SGCZ: variants seen among roughly 807,000 people sequenced by gnomAD.
SGCZ encodes the protein zeta-sarcoglycan.
In SGCZ, 40 loss-of-function variants were observed where a neutral mutation model predicts 41.3. That is an observed-to-expected ratio of 0.97 (90% confidence interval 0.75 to 1.26). SGCZ has a LOEUF of 1.26. SGCZ is among the 50% of genes most tolerant of loss of function. The pLI, the probability that SGCZ is intolerant of heterozygous loss-of-function variation, is 0.00. For synonymous variants in SGCZ, 206 were observed against 137.5 expected (o/e 1.50, Z -3.49); for missense variants, 552 against 369.8 (o/e 1.49, Z -4.04).
chr8:14,630,035 T>C (rs1218621964), intron 1 of SGCZ, among the ~76,000 whole-genome samples: 1 of 152,030 alleles, frequency 6.6e-6, no homozygotes, highest in Non-Finnish European at 1.5e-5. Context: ...CTCAGATATA[T>C]TAGGGAAAAA....
At chr8:14,140,049 G>C (rs143319968) in intron 5 of SGCZ, among the ~76,000 whole-genome samples, 10 of 149,622 alleles carry the variant, frequency 6.7e-5, no homozygotes, top group African/African-American at 2.2e-4. Context: ...ATCAATAGAC[G>C]TAACAGAACC....
At chr8:14,816,969 T>C (rs1801922707) in intron 1 of SGCZ, among the ~76,000 whole-genome samples, 2 of 152,196 alleles carry the variant, frequency 1.3e-5, no homozygotes, top group Non-Finnish European at 2.9e-5. Flanking sequence ...AAGCTCACAA[T>C]TGATACCAGA....
Position 14,717,996 on chromosome 8 carries a change from G to GATATATATATATATATATATATATAT in SGCZ, c.40-163071_40-163070insATATATATATATATATATATATATAT, listed in dbSNP as rs140343071. The stretch of plus-strand genomic sequence containing the variant: ...TGGATAAATGTAAATTCTAAAATAA[G>GATATATATATATATATATATATATAT]ATATATATATATATGTAATATGGCT... On this transcript the variant is annotated intron_variant, in intron 1 of 7. Coordinates refer to ENST00000382080, the MANE Select transcript of SGCZ (RefSeq NM_139167.4). Among the ~76,000 whole-genome samples the GATATATATATATATATATATATATAT allele has an allele frequency of 1.8e-3, 267 of 144,926 alleles. 3 individuals are homozygous for GATATATATATATATATATATATATAT. Among genetic ancestry groups the GATATATATATATATATATATATATAT allele is most frequent in the East Asian group, 8.9e-3 (43 of 4,806 alleles).
At chr8:15,078,917 C>T (rs1311072751) in intron 1 of SGCZ, among the ~76,000 whole-genome samples, 4 of 151,876 alleles carry the variant, frequency 2.6e-5, no homozygotes, top group African/African-American at 7.3e-5. Flanking sequence ...TAACATTTTC[C>T]TTCCCCCTCA....
intron 1 of SGCZ, among the ~76,000 whole-genome samples, chr8:14,704,827 T>C (rs774893804): frequency 6.6e-6 from 1 of 151,932 alleles, no homozygotes; most frequent in South Asian, 2.1e-4. Context: ...AAACACTTCT[T>C]AGGGATAAAC....
intron 4 of SGCZ, among the ~76,000 whole-genome samples, chr8:14,166,935 G>C (rs947982708): frequency 6.6e-6 from 1 of 152,066 alleles, no homozygotes; most frequent in Non-Finnish European, 1.5e-5. Flanking sequence ...TGCATGCAGA[G>C]TCATCTAATT....
intron 1 of SGCZ, among the ~76,000 whole-genome samples, chr8:14,848,142 C>A (rs1419391264): frequency 5.3e-5 from 8 of 151,820 alleles, no homozygotes; most frequent in Non-Finnish European, 4.4e-5. Flanking sequence ...TTATAAAATT[C>A]TTATGGTAAA....
intron 5 of SGCZ, among the ~76,000 whole-genome samples, chr8:14,138,894 C>G (rs1803282678): frequency 1.3e-5 from 2 of 152,154 alleles, no homozygotes; most frequent in South Asian, 4.1e-4. Context: ...AAACATTCTT[C>G]TAAGCACCAA....
At chr8:14,598,304 G>C (rs7813380) in intron 1 of SGCZ, among the ~76,000 whole-genome samples, 8,113 of 151,280 alleles carry the variant, frequency 0.054, 252 homozygotes, top group South Asian at 0.14. Flanking sequence ...ATGTTTTCTT[G>C]CGAGTTTGCA....
chr8:14,919,828 G>C (rs183959158), intron 1 of SGCZ, among the ~76,000 whole-genome samples: 2 of 152,056 alleles, frequency 1.3e-5, no homozygotes, highest in Non-Finnish European at 2.9e-5. Flanking sequence ...TGGGGCAGTA[G>C]AATCACTTGA....
intron 1 of SGCZ, among the ~76,000 whole-genome samples, chr8:14,675,855 G>A (rs1262518815): frequency 6.6e-6 from 1 of 152,186 alleles, no homozygotes; most frequent in Non-Finnish European, 1.5e-5. Context: ...AGATTTGGGG[G>A]ACCCAAACAA....
chr8:14,533,071 T>C (rs962898140), intron 2 of SGCZ, among the ~76,000 whole-genome samples: 2 of 152,050 alleles, frequency 1.3e-5, no homozygotes, highest in Non-Finnish European at 2.9e-5. Context: ...TATATACATG[T>C]GCCATGTTGG....
In SGCZ at chr8:14,089,827, T is replaced by TAAC. The variant is rs1801631032; in HGVS notation, c.*613_*615dup. ...AATTCTAGACTTAGTAGACAAAGAG[T>TAAC]AACAGCACATTGAAATTAAAGAAAC... is the stretch of plus-strand genomic sequence containing the variant. On this transcript the variant is annotated 3_prime_UTR_variant, in exon 8 of 8. Coordinates refer to ENST00000382080, the MANE Select transcript of SGCZ (RefSeq NM_139167.4). 6.6e-6 allele frequency: 1 copy of TAAC among 152,192 alleles called. No individual in the cohort carries two copies. The highest frequency in any genetic ancestry group is 1.5e-5 in the Non-Finnish European group (1 of 67,944). The allele number at this position is 152,192 out of a possible 1,614,324, so 9.4% of individuals were successfully genotyped here.
At chr8:15,213,974 T>C (rs954085820) in intron 1 of SGCZ, among the ~76,000 whole-genome samples, 11 of 152,040 alleles carry the variant, frequency 7.2e-5, no homozygotes, top group African/African-American at 2.7e-4. Flanking sequence ...CCTTGCAGAA[T>C]ACAAATAATT....
chr8:15,142,046 A>G (rs1798902233), intron 1 of SGCZ, among the ~76,000 whole-genome samples: 1 of 152,234 alleles, frequency 6.6e-6, no homozygotes, highest in African/African-American at 2.4e-5. Flanking sequence ...AAAATTCTCA[A>G]GAGCTTATAA....
intron 4 of SGCZ, among the ~76,000 whole-genome samples, chr8:14,171,168 C>G (rs1443038799): frequency 7.7e-6 from 1 of 129,776 alleles, no homozygotes; most frequent in East Asian, 2.4e-4. Context: ...AAAAAAAAAA[C>G]TAACACCTCA....
intron 1 of SGCZ, among the ~76,000 whole-genome samples, chr8:14,728,576 A>G (rs543466864): frequency 6.6e-6 from 1 of 152,244 alleles, no homozygotes; most frequent in Non-Finnish European, 1.5e-5. Flanking sequence ...AAAATAAATG[A>G]TTTTTACCCC....
At chr8:14,740,902 C>A (rs1799181899) in intron 1 of SGCZ, among the ~76,000 whole-genome samples, 1 of 152,072 alleles carries the variant, frequency 6.6e-6, no homozygotes, top group Non-Finnish European at 1.5e-5. Flanking sequence ...TTCGCCAGCA[C>A]CCTTAAGATG....
chr8:14,394,682 A>T (rs1020331573), intron 2 of SGCZ, among the ~76,000 whole-genome samples: 3 of 152,154 alleles, frequency 2.0e-5, no homozygotes, highest in African/African-American at 7.2e-5. Flanking sequence ...CTAAACTACC[A>T]CTGTGGTAGT....
Sources: allele counts gnomAD v4.1 joint callset (sites outside exome capture counted in the v4.1 genomes callset), GRCh38; gene constraint gnomAD v4.1.1; transcripts MANE v1.5; gene names NCBI Gene and HGNC (gene_info 2026-07-23, HGNC 2026-07-21).